Variants in GALNT1 observed in about 807,000 individuals in gnomAD.
GALNT1 encodes the protein polypeptide N-acetylgalactosaminyltransferase 1, also known as GalNAc transferase 1.
In GALNT1, 17 loss-of-function variants were observed where a neutral mutation model predicts 65.7. The observed-to-expected ratio is 0.26, with a 90% CI of 0.18 to 0.39. The LOEUF is 0.39. Ranked by LOEUF, GALNT1 falls within the 10% of genes least tolerant of loss-of-function variation. The pLI is 1.00. For missense variants in GALNT1, 460 were observed against 672.8 expected (o/e 0.68, Z 3.50); for synonymous variants, 210 against 219.7 (o/e 0.96, Z 0.39).
chr18:35,631,040 T>G lies in GALNT1; in HGVS notation c.-103-23520T>G, dbSNP rs559659988. 2.0e-5 allele frequency among the ~76,000 whole-genome samples: 3 copies of G among 152,102 alleles called. No individual in the cohort carries two copies. In the South Asian group the frequency reaches 6.2e-4, roughly 32 times the overall value. Reference sequence around the variant, plus strand: ...ATCTCTGAATAGATCAATAACAGGCTCTGAAATTGAGGCAGTAATTAATAG... The same window carrying G: ...ATCTCTGAATAGATCAATAACAGGCGCTGAAATTGAGGCAGTAATTAATAG... On this transcript the variant is annotated intron_variant, in intron 1 of 11. Coordinates refer to ENST00000269195, the MANE Select transcript of GALNT1 (RefSeq NM_020474.4).
At chr18:35,597,040 G>A (rs2046513906) in intron 1 of GALNT1, 1 of 152,232 alleles carries the variant, frequency 6.6e-6, no homozygotes, top group South Asian at 2.1e-4. Context: ...CCAGCCTTGG[G>A]AACAGATTAG....
intron 1 of GALNT1, among the ~76,000 whole-genome samples, chr18:35,607,609 C>T (rs766376542): frequency 6.6e-6 from 1 of 152,134 alleles, no homozygotes; most frequent in African/African-American, 2.4e-5. Context: ...GGTATGGTGG[C>T]TCCATGGTTT....
chr18:35,654,659 T>C lies in GALNT1; in HGVS notation c.-4T>C, dbSNP rs756405031. 9 of 1,391,608 alleles carry C rather than the reference T, an allele frequency of 6.5e-6. No homozygotes were observed. In the African/African-American group the frequency reaches 1.3e-4, roughly 21 times the overall value. 86.2% of individuals were successfully genotyped at this position (1,391,608 alleles called of 1,614,324 possible). A position where few individuals can be genotyped will look rare whatever the true frequency, so the allele number is the denominator to read the frequency against. On this transcript the variant is annotated 5_prime_UTR_variant, in exon 2 of 12. Coordinates refer to ENST00000269195, the MANE Select transcript of GALNT1 (RefSeq NM_020474.4). ...TTTAAATTTTGCATTTGACTTAAAG[T>C]GCCATGAGAAAATTTGCATACTGCA...
At chr18:35,603,305 G>T (rs2046604573) in intron 1 of GALNT1, among the ~76,000 whole-genome samples, 1 of 152,142 alleles carries the variant, frequency 6.6e-6, no homozygotes, top group Admixed American at 6.5e-5. Flanking sequence ...CAGATTGTGG[G>T]AGGGGTATTG....
intron 1 of GALNT1, among the ~76,000 whole-genome samples, chr18:35,586,392 C>G (rs1029677244): frequency 2.0e-5 from 3 of 152,052 alleles, no homozygotes; most frequent in African/African-American, 7.2e-5. Context: ...TCTTTTCATC[C>G]CCTTAATAAG....
chr18:35,581,702 CCGG>C (rs2046317816), upstream of GALNT1: 1 of 78 alleles, frequency 0.013, no homozygotes, highest in Non-Finnish European at 0.036. Flanking sequence ...GGAGCGGGGC[CCGG>C]CCGGACCCGC....
At chr18:35,647,834 T>C (rs1480979901) in intron 1 of GALNT1, among the ~76,000 whole-genome samples, 1 of 152,074 alleles carries the variant, frequency 6.6e-6, no homozygotes, top group African/African-American at 2.4e-5. Flanking sequence ...AGAAAATCAT[T>C]TGGCCGTAGA....
chr18:35,654,713 G>T lies in GALNT1; in HGVS notation c.51G>T (p.Trp17Cys). Residue 17 changes from tryptophan (W) to cysteine (C), a missense_variant, in exon 2 of 12, where the codon TGG becomes TGT. Transcript: ENST00000269195. The stretch of plus-strand genomic sequence containing the variant: ...TGGTCCTAGCCACCTCCTTGATTTG[G>T]GTACTCTTGGATATGTTCCTGCTGC... The part of the protein sequence containing the change: ...CKVVLATSLI[W>C]VLLDMFLLLY... 6.4e-7 allele frequency: 1 copy of T among 1,566,438 alleles called. No homozygotes were observed. Among genetic ancestry groups the T allele is most frequent in the South Asian group, 1.2e-5 (1 of 83,814 alleles).
chr18:35,677,140 G>GCTCTTACTCT (rs2047722636), intron 3 of GALNT1, among the ~76,000 whole-genome samples: 4 of 152,176 alleles, frequency 2.6e-5, no homozygotes, highest in Non-Finnish European at 4.4e-5. Flanking sequence ...ACTAGGAAGA[G>GCTCTTACTCT]TAAGAGCCTG....
chr18:35,680,711 T>A (rs2047774633), intron 4 of GALNT1, among the ~76,000 whole-genome samples: 1 of 152,238 alleles, frequency 6.6e-6, no homozygotes, highest in Non-Finnish European at 1.5e-5. Context: ...GTAGGTGCTA[T>A]AATTATTCCT....
intron 1 of GALNT1, among the ~76,000 whole-genome samples, chr18:35,634,005 AGCTTT>A (rs1193063508): frequency 1.3e-5 from 2 of 152,272 alleles, no homozygotes; most frequent in African/African-American, 4.8e-5. Context: ...TTTGTCTGTG[AGCTTT>A]GCTTTGCAGT....
chr18:35,588,960 G>A (rs933917184), intron 1 of GALNT1, among the ~76,000 whole-genome samples: 5 of 152,154 alleles, frequency 3.3e-5, no homozygotes, highest in African/African-American at 7.2e-5. Context: ...GGTATGATGA[G>A]TGATTTTTAA....
At chr18:35,596,057 G>A (rs767504325) in intron 1 of GALNT1, 1 of 152,182 alleles carries the variant, frequency 6.6e-6, no homozygotes, top group Non-Finnish European at 1.5e-5. Flanking sequence ...AAGGAAAACA[G>A]CAGAGAGTTT....
At position 35,643,034 on chromosome 18, in the gene GALNT1, G is replaced by A. The variant is rs73946687; in HGVS notation, c.-103-11526G>A. On this transcript the variant is annotated intron_variant, in intron 1 of 11. Transcript: ENST00000269195. ...GACTCAGGCCAAGGAGTCAGGTCCT[G>A]TGGTCAGCCTGGCTAGGTCATACTG... 2.8e-3 allele frequency among the ~76,000 whole-genome samples: 423 copies of A among 152,234 alleles called. 2 individuals carry two copies. The highest frequency in any genetic ancestry group is 1.0e-2 in the African/African-American group (414 of 41,558).
At chr18:35,692,130 T>C (rs1308050042) in intron 8 of GALNT1, 51 bp from the exon 9 acceptor site, 2 of 1,491,900 alleles carry the variant, frequency 1.3e-6, no homozygotes, top group East Asian at 2.3e-5. Flanking sequence ...TATAAACATG[T>C]GTTACCTAAA....
At chr18:35,666,647 T>G (rs1357959787) in intron 3 of GALNT1, among the ~76,000 whole-genome samples, 2 of 152,268 alleles carry the variant, frequency 1.3e-5, no homozygotes, top group East Asian at 3.8e-4. Context: ...ATACTTTTAT[T>G]AATGAGTGCC....
At chr18:35,599,996 T>A (rs372356888) in intron 1 of GALNT1, among the ~76,000 whole-genome samples, 1 of 152,224 alleles carries the variant, frequency 6.6e-6, no homozygotes, top group East Asian at 1.9e-4. Context: ...CTGGGATTGC[T>A]ATGGCTATTT....
chr18:35,675,942 T>A (rs1423815313), intron 3 of GALNT1, among the ~76,000 whole-genome samples: 2 of 152,158 alleles, frequency 1.3e-5, no homozygotes, highest in African/African-American at 4.8e-5. Context: ...CTTGCTCAGC[T>A]ATGATGTACC....
At chr18:35,584,545 G>A (rs2046358569) in intron 1 of GALNT1, among the ~76,000 whole-genome samples, 1 of 152,154 alleles carries the variant, frequency 6.6e-6, no homozygotes, top group Non-Finnish European at 1.5e-5. Flanking sequence ...AGTTAGGAGT[G>A]ACTACTTACT....
Sources: allele counts gnomAD v4.1 joint callset (sites outside exome capture counted in the v4.1 genomes callset), GRCh38; gene constraint gnomAD v4.1.1; transcripts MANE v1.5; gene names NCBI Gene and HGNC (gene_info 2026-07-23, HGNC 2026-07-21).